NKX6-2: variants seen among roughly 807,000 people sequenced by gnomAD.
NKX6-2 encodes NK6 homeobox 2, also known as homeobox protein Nkx-6.2.
In NKX6-2, 22 loss-of-function variants were observed where a neutral mutation model predicts 19.9. That is an observed-to-expected ratio of 1.10 (90% CI 0.79 to 1.58). NKX6-2 has a LOEUF of 1.58. Among genes scored for constraint, NKX6-2 ranks in the 40% most tolerant of loss-of-function variants. The pLI is 0.00. For synonymous variants in NKX6-2, 257 were observed against 204.0 expected (o/e 1.26, Z -2.21); for missense variants, 475 against 410.6 (o/e 1.16, Z -1.35).
Position 132,784,760 on chromosome 10 carries a change from G to A in NKX6-2, c.*156C>T, listed in dbSNP as rs752608293. ...GGCCGGGGAGGGGCCGCCTCGCTCCGGGTTCGAGACGGAAGAAACACGCGG... is the reference window on the plus strand; with the variant it reads ...GGCCGGGGAGGGGCCGCCTCGCTCCAGGTTCGAGACGGAAGAAACACGCGG... On this transcript the variant is annotated 3_prime_UTR_variant, in exon 3 of 3. Coordinates refer to ENST00000368592, the MANE Select transcript of NKX6-2 (RefSeq NM_177400.3). 7.7e-6 allele frequency: 5 copies of A among 645,894 alleles called. No homozygotes were observed. In the Admixed American group the frequency reaches 1.2e-4, roughly 16 times the overall value. The allele number at this position is 645,894 out of a possible 1,614,324, so 40.0% of individuals were successfully genotyped here. A position where few individuals can be genotyped will look rare whatever the true frequency, so the allele number is the denominator to read the frequency against.
rs1026602393 is a variant in NKX6-2 at position 132,784,736 on chromosome 10, G to A, written c.*180C>T. The stretch of plus-strand genomic sequence containing the variant: ...AGGCGGGCGCAGGGGCGAAGCCGGG[G>A]CCGGGGAGGGGCCGCCTCGCTCCGG... On this transcript the variant is annotated 3_prime_UTR_variant, in exon 3 of 3. Coordinates refer to ENST00000368592, the MANE Select transcript of NKX6-2 (RefSeq NM_177400.3). The A allele has an allele frequency of 2.2e-5, 13 of 595,960 alleles. No individual in the cohort carries two copies. The highest frequency in any genetic ancestry group is 9.7e-5 in the Admixed American group (3 of 30,874). 36.9% of individuals were successfully genotyped at this position (595,960 alleles called of 1,614,324 possible). A position where few individuals can be genotyped will look rare whatever the true frequency, so the allele number is the denominator to read the frequency against.
In NKX6-2 at chr10:132,784,330, G is replaced by A. The variant is rs1388448878; in HGVS notation, c.*586C>T. ...CGGTTCCACCGGCTGAGCCCAGGGC[G>A]GGCCTATGGGATCCGCTGATGCGCA... is the stretch of plus-strand genomic sequence containing the variant. On this transcript the variant is annotated 3_prime_UTR_variant, in exon 3 of 3. Transcript: ENST00000368592. The A allele has an allele frequency of 1.3e-5, 2 of 152,356 alleles. No individual in the cohort carries two copies. The highest frequency in any genetic ancestry group is 2.9e-5 in the Non-Finnish European group (2 of 68,104). 9.4% of individuals were successfully genotyped at this position (152,356 alleles called of 1,614,324 possible). A position where few individuals can be genotyped will look rare whatever the true frequency, so the allele number is the denominator to read the frequency against.
At position 132,785,850 on chromosome 10, in the gene NKX6-2, C is replaced by T; in HGVS notation, c.99G>A (p.Ala33=). The change falls in exon 1 of 3, where the codon GCG becomes GCA. Residue 33 remains alanine, a synonymous_variant. Coordinates refer to ENST00000368592, the MANE Select transcript of NKX6-2 (RefSeq NM_177400.3). This position sits in a 1 kb window ranked among gnomAD's most constrained non-coding sequence, Gnocchi z 5.5. The part of the protein sequence containing the change: ...AEMKTSLFPY[A]LQGPAGFKAP... ...CCTTGAAGCCGGCCGGACCCTGCAG[C>T]GCGTAGGGGAACAGCGACGTCTTCA... 7.2e-7 allele frequency: 1 copy of T among 1,385,306 alleles called. No individual in the cohort carries two copies. Among genetic ancestry groups the T allele is most frequent in the Non-Finnish European group, 9.5e-7 (1 of 1,055,928 alleles). 85.8% of individuals were successfully genotyped at this position (1,385,306 alleles called of 1,614,324 possible). A position where few individuals can be genotyped will look rare whatever the true frequency, so the allele number is the denominator to read the frequency against.
chr10:132,784,941 C>T lies in NKX6-2; in HGVS notation c.809G>A (p.Gly270Asp). The change falls in exon 3 of 3, where the codon GGC becomes GAC. Residue 270 changes from glycine (G) to aspartate (D), a missense_variant. Gly to Asp is a moderately conservative substitution (Grantham distance 94). Coordinates refer to ENST00000368592, the MANE Select transcript of NKX6-2 (RefSeq NM_177400.3). ...PSNLALVSPCGGGAGDAL is the reference protein window; with the variant it reads ...PSNLALVSPCDGGAGDAL ...TCACAAGGCGTCCCCCGCGCCGCCG[C>T]CGCACGGGCTGACCAGCGCCAAGTT... is the stretch of plus-strand genomic sequence containing the variant. 6.2e-7 allele frequency: 1 copy of T among 1,612,496 alleles called. No individual in the cohort carries two copies. Among genetic ancestry groups the T allele is most frequent in the Non-Finnish European group, 8.5e-7 (1 of 1,179,786 alleles).
Position 132,784,810 on chromosome 10 carries a change from G to C in NKX6-2, c.*106C>G. 1 of 856,426 alleles carries C rather than the reference G, an allele frequency of 1.2e-6. No individual in the cohort carries two copies. The allele number at this position is 856,426 out of a possible 1,614,324, so 53.1% of individuals were successfully genotyped here. ...GCGCAGGCTCCGGAGCGACGGCTCC[G>C]ACGGGGACCCGTTAAATAATTTATT... On this transcript the variant is annotated 3_prime_UTR_variant, in exon 3 of 3. Coordinates refer to ENST00000368592, the MANE Select transcript of NKX6-2 (RefSeq NM_177400.3).
rs1185612205 is a variant in NKX6-2 at position 132,785,418 on chromosome 10, C to T, written c.441G>A (p.Lys147=). 1.9e-6 allele frequency: 3 copies of T among 1,597,320 alleles called. No homozygotes were observed. Among genetic ancestry groups the T allele is most frequent in the African/African-American group, 2.8e-5 (2 of 72,454 alleles). The change falls in exon 2 of 3, where the codon AAG becomes AAA. Residue 147 remains lysine (K), a synonymous_variant. Transcript: ENST00000368592. The surrounding 1 kb of genome is among the most constrained non-coding windows in gnomAD (Gnocchi z 5.5). ...AGAAGGTCGGGCGCGAGTGCTTCTT[C>T]TTCCCGTCCTTGTCCAGGACGCCGC... ...PAGGVLDKDG[K]KKHSRPTFSG...
Position 132,785,842 on chromosome 10 carries a change from C to A in NKX6-2, c.107G>T (p.Gly36Val). 1 of 1,386,208 alleles carries A rather than the reference C, an allele frequency of 7.2e-7. No homozygotes were observed. The highest frequency in any genetic ancestry group is 9.4e-7 in the Non-Finnish European group (1 of 1,062,090). 85.9% of individuals were successfully genotyped at this position (1,386,208 alleles called of 1,614,324 possible). The change falls in exon 1 of 3, where the codon GGT becomes GTT. Residue 36 changes from glycine to valine, a missense_variant. By Grantham distance (109) the Gly-to-Val change is moderately radical. Coordinates refer to ENST00000368592, the MANE Select transcript of NKX6-2 (RefSeq NM_177400.3). This position sits in a 1 kb window ranked among gnomAD's most constrained non-coding sequence, Gnocchi z 5.5. ...KTSLFPYALQ[G>V]PAGFKAPALG... ...CGCGGGCGCCTTGAAGCCGGCCGGA[C>A]CCTGCAGCGCGTAGGGGAACAGCGA...
chr10:132,785,464 G>A lies in NKX6-2; in HGVS notation c.407-12C>T, dbSNP rs773294696. ...GCCGCCGGCCGGGGCTGCAAGGGAG[G>A]GGAAGGGAGGGAGGTCAGCGGCCGG... On this transcript the variant is annotated splice_polypyrimidine_tract_variant and intron_variant, in intron 1 of 2. Transcript: ENST00000368592. The surrounding 1 kb of genome is among the most constrained non-coding windows in gnomAD (Gnocchi z 5.5). 7.1e-6 allele frequency: 11 copies of A among 1,548,398 alleles called. No individual in the cohort carries two copies. Among genetic ancestry groups the A allele is most frequent in the Middle Eastern group, 2.0e-4 (1 of 4,952 alleles).
rs1412632355 is a variant in NKX6-2, at chr10:132,785,307, C to A, written c.552G>T (p.Ser184=). ...TCACCTGGCTCTCGGTCATGCCCAG[C>A]GAGTAGGCGAGACGCGCGCGCTCCG... ...AGPERARLAY[S]LGMTESQVKV... Residue 184 remains serine, a synonymous_variant, in exon 2 of 3, where the codon TCG becomes TCT. Transcript: ENST00000368592. This position sits in a 1 kb window ranked among gnomAD's most constrained non-coding sequence, Gnocchi z 5.5. The A allele has an allele frequency of 1.9e-5, 31 of 1,605,704 alleles. No individual in the cohort carries two copies. The East Asian group carries it at 6.8e-4, about 35-fold the overall frequency.
Position 132,785,899 on chromosome 10 carries a change from G to C in NKX6-2, c.50C>G (p.Ala17Gly). 1.4e-6 allele frequency: 2 copies of C among 1,384,796 alleles called. No individual in the cohort carries two copies. The highest frequency in any genetic ancestry group is 3.0e-5 in the African/African-American group (2 of 66,876). 85.8% of individuals were successfully genotyped at this position (1,384,796 alleles called of 1,614,324 possible). The change falls in exon 1 of 3, where the codon GCC (alanine) becomes GGC (glycine). Residue 17 changes from alanine to glycine, a missense_variant. Ala to Gly is a moderately conservative substitution (Grantham distance 60, BLOSUM62 0). Transcript: ENST00000368592. This position sits in a 1 kb window ranked among gnomAD's most constrained non-coding sequence, Gnocchi z 5.5. ...CATCTCGGCCATGTTGTGCAGCGCG[G>C]CCAGCGGGGCACTGCTCAGCACGAA... ...GAFVLSSAPL[A>G]ALHNMAEMKT...
Position 132,783,746 on chromosome 10 carries a change from A to C in NKX6-2, c.*1170T>G, listed in dbSNP as rs1847208760. The C allele has an allele frequency of 6.8e-6, 1 of 147,058 alleles. No homozygotes were observed. The highest frequency in any genetic ancestry group is 2.4e-5 in the African/African-American group (1 of 41,218). The allele number at this position is 147,058 out of a possible 1,614,324, so 9.1% of individuals were successfully genotyped here. ...AACGCTTTGCCTTCCTCAAAACTTT[A>C]AGAAGCCCCTCTGCTCTGAGCTGAG... On this transcript the variant is annotated 3_prime_UTR_variant, in exon 3 of 3. Transcript: ENST00000368592.
In NKX6-2 at chr10:132,785,547, G is replaced by A. The variant is rs1012279348; in HGVS notation, c.402C>T (p.Gly134=). ...CCCCCCGCGCGGGCCACTCACCCGGGCCAGCCAGACGCGGGTCCCTCCAGG... is the reference window on the plus strand; with the variant it reads ...CCCCCCGCGCGGGCCACTCACCCGGACCAGCCAGACGCGGGTCCCTCCAGG... ...GAPWRDPRLA[G]PAPAGGVLDK... Residue 134 remains glycine (G), a synonymous_variant, in exon 1 of 3, where the codon GGC becomes GGT. Transcript: ENST00000368592. This position sits in a 1 kb window ranked among gnomAD's most constrained non-coding sequence, Gnocchi z 5.5. 159 of 1,365,498 alleles carry A rather than the reference G, an allele frequency of 1.2e-4. No homozygotes were observed. Among genetic ancestry groups the A allele is most frequent in the Non-Finnish European group, 1.4e-4 (153 of 1,065,622 alleles). 84.6% of individuals were successfully genotyped at this position (1,365,498 alleles called of 1,614,324 possible).
chr10:132,785,724 G>A lies in NKX6-2; in HGVS notation c.225C>T (p.Leu75=), dbSNP rs1342743565. The part of the protein sequence containing the change: ...GRPVGAAGGG[L]LGGLPRLNGL... ...CGTTGAGCCGGGGCAGCCCCCCCAG[G>A]AGGCCCCCGCCCGCCGCGCCCACGG... is the stretch of plus-strand genomic sequence containing the variant. The change falls in exon 1 of 3, where the codon CTC becomes CTT. Residue 75 remains leucine (L), a synonymous_variant. Transcript: ENST00000368592. The surrounding 1 kb of genome is among the most constrained non-coding windows in gnomAD (Gnocchi z 5.5). 2 of 1,234,378 alleles carry A rather than the reference G, an allele frequency of 1.6e-6. No homozygotes were observed. The highest frequency in any genetic ancestry group is 2.0e-6 in the Non-Finnish European group (2 of 991,662). 76.5% of individuals were successfully genotyped at this position (1,234,378 alleles called of 1,614,324 possible).
At position 132,786,023 on chromosome 10, in the gene NKX6-2, T is replaced by C. The variant is rs1347086652; in HGVS notation, c.-75A>G. 1.9e-5 allele frequency: 6 copies of C among 312,436 alleles called. No homozygotes were observed. Among genetic ancestry groups the C allele is most frequent in the Non-Finnish European group, 2.8e-5 (6 of 212,104 alleles). 19.4% of individuals were successfully genotyped at this position (312,436 alleles called of 1,614,324 possible). Reference sequence around the variant, plus strand: ...GCCCCTGCCCGCCGGCCCGGGAAGTTTGCGCGCGGCCCGGGCGGGCGTCGG... The same window carrying C: ...GCCCCTGCCCGCCGGCCCGGGAAGTCTGCGCGCGGCCCGGGCGGGCGTCGG... On this transcript the variant is annotated 5_prime_UTR_variant, in exon 1 of 3. Transcript: ENST00000368592.
In NKX6-2 at chr10:132,785,061, G is replaced by A. The variant is rs376879063; in HGVS notation, c.689C>T (p.Ser230Leu). Residue 230 changes from serine (S) to leucine (L), a missense_variant, in exon 3 of 3, where the codon TCG (serine) becomes TTG (leucine). Coordinates refer to ENST00000368592, the MANE Select transcript of NKX6-2 (RefSeq NM_177400.3). This position sits in a 1 kb window ranked among gnomAD's most constrained non-coding sequence, Gnocchi z 5.5. ...SDAEKLKVGG[S>L]DAEDDDEYNR... ...GTATTCGTCGTCGTCCTCCGCGTCCGAGCCGCCCACCTTCAGCTTCTCGGC... is the reference window on the plus strand; with the variant it reads ...GTATTCGTCGTCGTCCTCCGCGTCCAAGCCGCCCACCTTCAGCTTCTCGGC... 8 of 1,609,272 alleles carry A rather than the reference G, an allele frequency of 5.0e-6. No individual in the cohort carries two copies. The highest frequency in any genetic ancestry group is 6.8e-6 in the Non-Finnish European group (8 of 1,176,696).
At position 132,784,716 on chromosome 10, in the gene NKX6-2, G is replaced by A; in HGVS notation, c.*200C>T. The A allele has an allele frequency of 1.8e-6, 1 of 554,644 alleles. No homozygotes were observed. The highest frequency in any genetic ancestry group is 3.1e-6 in the Non-Finnish European group (1 of 321,658). 34.4% of individuals were successfully genotyped at this position (554,644 alleles called of 1,614,324 possible). Reference sequence around the variant, plus strand: ...CCGGGAACCCGGAGGACCCGAGGCGGGCGCAGGGGCGAAGCCGGGGCCGGG... The same window carrying A: ...CCGGGAACCCGGAGGACCCGAGGCGAGCGCAGGGGCGAAGCCGGGGCCGGG... On this transcript the variant is annotated 3_prime_UTR_variant, in exon 3 of 3. Coordinates refer to ENST00000368592, the MANE Select transcript of NKX6-2 (RefSeq NM_177400.3).
chr10:132,785,914 C>T lies in NKX6-2; in HGVS notation c.35G>A (p.Ser12Asn). ...DTNRPGAFVL[S>N]SAPLAALHNM... ...GTGCAGCGCGGCCAGCGGGGCACTG[C>T]TCAGCACGAACGCGCCCGGGCGGTT... The change falls in exon 1 of 3, where the codon AGC (serine) becomes AAC (asparagine). Residue 12 changes from serine to asparagine, a missense_variant. Coordinates refer to ENST00000368592, the MANE Select transcript of NKX6-2 (RefSeq NM_177400.3). The surrounding 1 kb of genome is among the most constrained non-coding windows in gnomAD (Gnocchi z 5.5). 7.4e-7 allele frequency: 1 copy of T among 1,351,820 alleles called. No individual in the cohort carries two copies. The highest frequency in any genetic ancestry group is 9.8e-7 in the Non-Finnish European group (1 of 1,024,756). 83.7% of individuals were successfully genotyped at this position (1,351,820 alleles called of 1,614,324 possible). A position where few individuals can be genotyped will look rare whatever the true frequency, so the allele number is the denominator to read the frequency against.
chr10:132,785,104 TC>T lies in NKX6-2; in HGVS notation c.645del (p.Lys216ArgfsTer10). The T allele has an allele frequency of 6.2e-7, 1 of 1,611,932 alleles. No homozygotes were observed. The highest frequency in any genetic ancestry group is 8.5e-7 in the Non-Finnish European group (1 of 1,179,254). On this transcript the variant is annotated frameshift_variant, in exon 3 of 3. Coordinates refer to ENST00000368592, the MANE Select transcript of NKX6-2 (RefSeq NM_177400.3). LOFTEE classifies it high-confidence loss of function. The surrounding 1 kb of genome is among the most constrained non-coding windows in gnomAD (Gnocchi z 5.5). Reference sequence around the variant, plus strand: ...TTCTCGGCGTCCGAGTCCTGCTTCTTCTTGGCCGACGCCATCTCCACCGCGT... The same window carrying T: ...TTCTCGGCGTCCGAGTCCTGCTTCTTTTGGCCGACGCCATCTCCACCGCGT... ...KRHAVEMASA[K>X]KKQDSDAEKL...
rs1591015755 is a variant in NKX6-2 at position 132,785,786 on chromosome 10, C to T, written c.163G>A (p.Gly55Arg). 1.4e-5 allele frequency: 18 copies of T among 1,331,574 alleles called. No homozygotes were observed. In the East Asian group the frequency reaches 5.5e-4, roughly 40 times the overall value. 82.5% of individuals were successfully genotyped at this position (1,331,574 alleles called of 1,614,324 possible). The change falls in exon 1 of 3, where the codon GGG becomes AGG. Residue 55 changes from glycine (G) to arginine (R), a missense_variant. By Grantham distance (125) the Gly-to-Arg change is moderately radical (BLOSUM62 -2). Transcript: ENST00000368592. The surrounding 1 kb of genome is among the most constrained non-coding windows in gnomAD (Gnocchi z 5.5). Reference sequence around the variant, plus strand: ...ATGTCGCTGATGCCGTGCGGGGTCCCGAGCGGGAGCTGCGCGCCCAGGCCC... The same window carrying T: ...ATGTCGCTGATGCCGTGCGGGGTCCTGAGCGGGAGCTGCGCGCCCAGGCCC... Reference protein sequence around the residue: ...LGGLGAQLPLGTPHGISDILG... With the variant: ...LGGLGAQLPLRTPHGISDILG...
Sources: allele counts gnomAD v4.1 joint callset, GRCh38; gene constraint gnomAD v4.1.1; non-coding constraint Gnocchi (gnomAD v3.1); transcripts MANE v1.5; gene names NCBI Gene and HGNC (gene_info 2026-07-23, HGNC 2026-07-21).